NKD2: variants seen among roughly 807,000 people sequenced by gnomAD.
NKD2 encodes protein naked cuticle homolog 2.
A neutral mutation model predicts 34.8 loss-of-function variants in NKD2; 43 were observed. The ratio of observed to expected loss-of-function variants is 1.24; its 90% CI spans 0.97 to 1.60. The LOEUF (loss-of-function observed/expected upper bound fraction) is 1.60. NKD2 is among the 40% of genes most tolerant of loss of function. The pLI is 0.00. For missense variants in NKD2, 675 were observed against 627.1 expected (o/e 1.08, Z -0.82); for synonymous variants, 278 against 265.1 (o/e 1.05, Z -0.47).
intron 3 of NKD2, 56 bp from the exon 4 acceptor site, chr5:1,032,096 C>T (rs2150745710): frequency 1.4e-6 from 2 of 1,424,158 alleles, no homozygotes; most frequent in African/African-American, 2.8e-5. Flanking sequence ...TCCTGCCCAT[C>T]TCCCCCGCCT....
intron 3 of NKD2, among the ~76,000 whole-genome samples, chr5:1,026,751 G>C (rs999611627): frequency 6.6e-6 from 1 of 152,210 alleles, no homozygotes; most frequent in Non-Finnish European, 1.5e-5. Flanking sequence ...ATTCTACCAC[G>C]TCCAGCATCC....
chr5:1,038,510 C>G lies in NKD2; in HGVS notation c.*137C>G. On this transcript the variant is annotated 3_prime_UTR_variant, in exon 10 of 10. Transcript: ENST00000296849. This position sits in a 1 kb window ranked among gnomAD's most constrained non-coding sequence, Gnocchi z 4.5. Reference sequence around the variant, plus strand: ...ACCTCCGACAGCAAACAGCAACTGACTGCAGGTGCTGGCATGATGGAGGTG... The same window carrying G: ...ACCTCCGACAGCAAACAGCAACTGAGTGCAGGTGCTGGCATGATGGAGGTG... 6.7e-7 allele frequency: 1 copy of G among 1,497,546 alleles called. No homozygotes were observed. Among genetic ancestry groups the G allele is most frequent in the Non-Finnish European group, 9.0e-7 (1 of 1,112,672 alleles). 92.8% of individuals were successfully genotyped at this position (1,497,546 alleles called of 1,614,324 possible).
intron 3 of NKD2, among the ~76,000 whole-genome samples, chr5:1,022,453 A>C (rs1374885975): frequency 2.0e-5 from 1 of 49,782 alleles, no homozygotes; most frequent in African/African-American, 6.8e-5. Flanking sequence ...TGCTCTTCCC[A>C]CCCGCTGTGG....
At chr5:1,025,884 G>A (rs74198555) in intron 3 of NKD2, among the ~76,000 whole-genome samples, 107 of 13,034 alleles carry the variant, frequency 8.2e-3, no homozygotes, top group Middle Eastern at 0.045. Context: ...GTCCCAGCCC[G>A]TTGTCCCTGC....
Position 1,038,343 on chromosome 5 carries a change from C to CGAG in NKD2, c.1326_1327insGAG (p.His442_His443insGlu), listed in dbSNP as rs1734122740. 1 of 1,534,876 alleles carries CGAG rather than the reference C, an allele frequency of 6.5e-7. No individual in the cohort carries two copies. The highest frequency in any genetic ancestry group is 8.7e-7 in the Non-Finnish European group (1 of 1,146,750). ...ACCACCACCACGAGCACCACCACCA[C>CGAG]CACCACCACCACCACTTCCACCCGT... On this transcript the variant is annotated inframe_insertion, in exon 10 of 10. Transcript: ENST00000296849. The surrounding 1 kb of genome is among the most constrained non-coding windows in gnomAD (Gnocchi z 4.5).
At chr5:1,017,950 A>G (rs932253789) in intron 3 of NKD2, among the ~76,000 whole-genome samples, 1 of 151,972 alleles carries the variant, frequency 6.6e-6, no homozygotes, top group Non-Finnish European at 1.5e-5. Context: ...CAGGCCAGGC[A>G]GGGGCGGGGG....
intron 3 of NKD2, among the ~76,000 whole-genome samples, chr5:1,011,076 T>C (rs912152191): frequency 6.6e-6 from 1 of 152,262 alleles, no homozygotes. Flanking sequence ...ACATTTTCTT[T>C]AGAGAATAGC....
chr5:1,030,851 G>C (rs1222607327), intron 3 of NKD2, among the ~76,000 whole-genome samples: 3 of 152,222 alleles, frequency 2.0e-5, no homozygotes, highest in Non-Finnish European at 4.4e-5. Context: ...ACCGCCCTGG[G>C]CGGCCAGCAG....
At chr5:1,036,457 C>A in intron 9 of NKD2, 73 bp downstream of exon 9, 1 of 1,341,920 alleles carries the variant, frequency 7.5e-7, no homozygotes, top group Non-Finnish European at 1.0e-6. Flanking sequence ...ATTCCCACAG[C>A]CCTGAGTGCA....
intron 6 of NKD2, 96 bp from the exon 7 acceptor site, chr5:1,034,660 T>C (rs868329207): frequency 3.1e-6 from 4 of 1,285,656 alleles, no homozygotes; most frequent in South Asian, 2.7e-5. Context: ...AAGGATGGCA[T>C]AGGAAGGGGC....
At chr5:1,016,511 T>C (rs1755957565) in intron 3 of NKD2, among the ~76,000 whole-genome samples, 1 of 152,204 alleles carries the variant, frequency 6.6e-6, no homozygotes, top group Admixed American at 6.5e-5. Context: ...TCAGAGAAGC[T>C]AAAAAGCACG....
At position 1,034,951 on chromosome 5, in the gene NKD2, G is replaced by A. The variant is rs776928648; in HGVS notation, c.574+48G>A. On this transcript the variant is annotated intron_variant, in intron 7 of 9. Transcript: ENST00000296849. Reference sequence around the variant, plus strand: ...CAGAGGACCCTACCCAACATTGGCAGGGGCCTAAGCTGTGTGCGCGGGACA... The same window carrying A: ...CAGAGGACCCTACCCAACATTGGCAAGGGCCTAAGCTGTGTGCGCGGGACA... 8.4e-6 allele frequency: 13 copies of A among 1,550,838 alleles called. No homozygotes were observed. In the East Asian group the frequency reaches 2.8e-4, roughly 34 times the overall value.
chr5:1,037,807 TC>T lies in NKD2; in HGVS notation c.794del (p.Pro265LeufsTer163). ...ENYTSRFGPG[S>X]PPVQAKQEPQ... ...CACACTCTGACCTGTGTCCGCAGGGTCCCCTCCTGTGCAAGCAAAGCAGGAG... is the reference window on the plus strand; with the variant it reads ...CACACTCTGACCTGTGTCCGCAGGGTCCCTCCTGTGCAAGCAAAGCAGGAG... On this transcript the variant is annotated frameshift_variant, in exon 10 of 10. Transcript: ENST00000296849. LOFTEE classifies it low-confidence loss of function (END_TRUNC). 1 of 1,571,462 alleles carries T rather than the reference TC, an allele frequency of 6.4e-7. No homozygotes were observed. The highest frequency in any genetic ancestry group is 8.6e-7 in the Non-Finnish European group (1 of 1,162,644).
Position 1,009,559 on chromosome 5 carries a change from A to G in NKD2, c.140A>G (p.Gln47Arg). 1 of 1,480,172 alleles carries G rather than the reference A, an allele frequency of 6.8e-7. No individual in the cohort carries two copies. Among genetic ancestry groups the G allele is most frequent in the South Asian group, 1.3e-5 (1 of 77,558 alleles). The allele number at this position is 1,480,172 out of a possible 1,614,324, so 91.7% of individuals were successfully genotyped here. ...GCGGAGCGGCGCGCGCGGGACAAGC[A>G]GGTAGGCGGCGGGGCGGAGGCTGGG... is the stretch of plus-strand genomic sequence containing the variant. ...EEAERRARDK[Q>R]ELPNGDPKEG... Residue 47 changes from glutamine (Q) to arginine (R), a missense_variant and splice_region_variant, in exon 3 of 10, where the codon CAG (glutamine) becomes CGG (arginine). Coordinates refer to ENST00000296849, the MANE Select transcript of NKD2 (RefSeq NM_033120.4). The surrounding 1 kb of genome is among the most constrained non-coding windows in gnomAD (Gnocchi z 6.9).
chr5:1,020,993 A>G (rs1298524500), intron 3 of NKD2, among the ~76,000 whole-genome samples: 3 of 152,132 alleles, frequency 2.0e-5, no homozygotes, highest in East Asian at 3.9e-4. Flanking sequence ...ACGTTTTCCC[A>G]TTTAAACAAT....
At chr5:1,020,859 G>C (rs1756149915) in intron 3 of NKD2, among the ~76,000 whole-genome samples, 1 of 151,934 alleles carries the variant, frequency 6.6e-6, no homozygotes, top group Non-Finnish European at 1.5e-5. Context: ...GTCCACCCTC[G>C]TGGCAGGGGT....
At position 1,015,055 on chromosome 5, in the gene NKD2, C is replaced by T. The variant is rs150208223; in HGVS notation, c.141+5495C>T. ...AGGAAAGACAAAAGGGACAGCTCCA[C>T]GCTCCATAAGGCCAGGCAGCGAGGG... is the stretch of plus-strand genomic sequence containing the variant. On this transcript the variant is annotated intron_variant, in intron 3 of 9. Coordinates refer to ENST00000296849, the MANE Select transcript of NKD2 (RefSeq NM_033120.4). Among the ~76,000 whole-genome samples the T allele has an allele frequency of 7.2e-3, 1,101 of 152,320 alleles. 7 individuals are homozygous for T. Among genetic ancestry groups the T allele is most frequent in the Middle Eastern group, 0.017 (5 of 294 alleles).
At chr5:1,033,536 C>A in intron 5 of NKD2, 37 bp downstream of exon 5, 1 of 1,526,022 alleles carries the variant, frequency 6.6e-7, no homozygotes, top group Non-Finnish European at 8.8e-7. Context: ...GGGAACACGT[C>A]CCTGGGGCCG....
intron 3 of NKD2, among the ~76,000 whole-genome samples, chr5:1,010,375 A>C (rs1418806293): frequency 6.6e-6 from 1 of 151,716 alleles, no homozygotes; most frequent in Non-Finnish European, 1.5e-5. Context: ...CACTGTCCCC[A>C]GAGGTCCCCA....
Sources: allele counts gnomAD v4.1 joint callset (sites outside exome capture counted in the v4.1 genomes callset), GRCh38; gene constraint gnomAD v4.1.1; non-coding constraint Gnocchi (gnomAD v3.1); transcripts MANE v1.5; gene names NCBI Gene and HGNC (gene_info 2026-07-23, HGNC 2026-07-21).